The following PRKCA variants were observed in gnomAD, a reference collection of about 807,000 sequenced individuals.
The protein encoded by PRKCA is protein kinase C alpha.
PRKCA carries 27 observed loss-of-function variants against 87.0 expected under a neutral mutation model. The ratio of observed to expected loss-of-function variants is 0.31; its 90% CI spans 0.23 to 0.43. The LOEUF is 0.43. Among genes scored for constraint, PRKCA ranks in the 20% least tolerant of loss-of-function variants. The probability of loss-of-function intolerance (pLI) is 1.00; values close to 1 mark genes in which losing one functional copy is unlikely to be tolerated. For synonymous variants in PRKCA, 329 were observed against 311.1 expected (o/e 1.06, Z -0.61); for missense variants, 518 against 852.3 (o/e 0.61, Z 4.88).
chr17:66,459,263 C>G (rs1039555306), intron 2 of PRKCA, among the ~76,000 whole-genome samples: 4 of 151,784 alleles, frequency 2.6e-5, no homozygotes, highest in Non-Finnish European at 4.4e-5. Flanking sequence ...CACCTGTAGT[C>G]CCAGCTACTC....
chr17:66,543,929 A>G (rs988881600), intron 3 of PRKCA, among the ~76,000 whole-genome samples: 1 of 152,198 alleles, frequency 6.6e-6, no homozygotes, highest in African/African-American at 2.4e-5. Flanking sequence ...CAAGATTGCT[A>G]GGCTGGGTGC....
At chr17:66,526,524 T>G (rs1967353362) in intron 3 of PRKCA, among the ~76,000 whole-genome samples, 1 of 152,140 alleles carries the variant, frequency 6.6e-6, no homozygotes, top group African/African-American at 2.4e-5. Flanking sequence ...GCAGCTAGCT[T>G]GGGTGTGCTC....
At chr17:66,602,512 C>T (rs1970074743) in intron 3 of PRKCA, among the ~76,000 whole-genome samples, 1 of 152,010 alleles carries the variant, frequency 6.6e-6, no homozygotes, top group Admixed American at 6.6e-5. Context: ...GATGGAAATG[C>T]AGAAATCACC....
At chr17:66,327,154 A>C (rs1416842848) in intron 2 of PRKCA, among the ~76,000 whole-genome samples, 1 of 151,952 alleles carries the variant, frequency 6.6e-6, no homozygotes, top group African/African-American at 2.4e-5. Context: ...GCAGATCATG[A>C]GGTCAGGAGA....
At chr17:66,453,285 C>A (rs1366987419) in intron 2 of PRKCA, among the ~76,000 whole-genome samples, 1 of 152,006 alleles carries the variant, frequency 6.6e-6, no homozygotes, top group Non-Finnish European at 1.5e-5. Flanking sequence ...ATCCACAGTC[C>A]CCTTGCCTTG....
chr17:66,802,962 C>T (rs975073766), intron 16 of PRKCA, among the ~76,000 whole-genome samples: 13 of 152,196 alleles, frequency 8.5e-5, no homozygotes, highest in African/African-American at 3.1e-4. Flanking sequence ...GCTTCAGAGT[C>T]ACCCTGGGCT....
chr17:66,580,698 A>G (rs886123797), intron 3 of PRKCA, among the ~76,000 whole-genome samples: 6 of 152,240 alleles, frequency 3.9e-5, no homozygotes, highest in African/African-American at 1.4e-4. Flanking sequence ...GTTTTCGCCA[A>G]CTAAACACAC....
chr17:66,311,815 C>T (rs1248586004), intron 2 of PRKCA, among the ~76,000 whole-genome samples: 4 of 152,032 alleles, frequency 2.6e-5, no homozygotes, highest in African/African-American at 4.8e-5. Flanking sequence ...TTACTTTATA[C>T]GGTAAGTGAA....
At chr17:66,327,455 G>C (rs1354303929) in intron 2 of PRKCA, among the ~76,000 whole-genome samples, 2 of 151,874 alleles carry the variant, frequency 1.3e-5, no homozygotes, top group Non-Finnish European at 2.9e-5. Flanking sequence ...AGAATCACTG[G>C]AACCCGGGAG....
intron 2 of PRKCA, among the ~76,000 whole-genome samples, chr17:66,332,028 T>A (rs1406661470): frequency 6.9e-6 from 1 of 144,094 alleles, no homozygotes; most frequent in Admixed American, 7.1e-5. Flanking sequence ...TCCTTTTGAA[T>A]CCAATGGTAG....
intron 2 of PRKCA, among the ~76,000 whole-genome samples, chr17:66,340,556 G>A (rs1784082597): frequency 6.6e-6 from 1 of 152,052 alleles, no homozygotes; most frequent in African/African-American, 2.4e-5. Flanking sequence ...GCGTAAGTGT[G>A]ATCATGGCTG....
intron 13 of PRKCA, among the ~76,000 whole-genome samples, chr17:66,750,766 G>A (rs898768339): frequency 1.3e-5 from 2 of 152,136 alleles, no homozygotes; most frequent in African/African-American, 2.4e-5. Flanking sequence ...TTAATCCTAA[G>A]TCAATTCTAA....
chr17:66,488,123 G>C (rs1469491020), intron 2 of PRKCA, among the ~76,000 whole-genome samples: 1 of 152,088 alleles, frequency 6.6e-6, no homozygotes, highest in Non-Finnish European at 1.5e-5. Flanking sequence ...CCAAGTCCAA[G>C]TTAATTCTTA....
At chr17:66,437,732 GAGC>G (rs1567828443) in intron 2 of PRKCA, among the ~76,000 whole-genome samples, 17 of 1,744 alleles carry the variant, frequency 9.7e-3, no homozygotes, top group Non-Finnish European at 0.017. Flanking sequence ...TTTTTTTTTT[GAGC>G]GGGGGGTGGG....
intron 3 of PRKCA, 44 bp from the exon 4 acceptor site, chr17:66,641,311 T>C: frequency 6.9e-7 from 1 of 1,456,614 alleles, no homozygotes; most frequent in Non-Finnish European, 9.6e-7. Context: ...AAAAACGTGG[T>C]CCTTTCATGA....
chr17:66,570,385 C>T (rs996321298), intron 3 of PRKCA, among the ~76,000 whole-genome samples: 2 of 152,258 alleles, frequency 1.3e-5, no homozygotes, highest in South Asian at 4.1e-4. Context: ...CCTATTAAAA[C>T]GTGTTTGTTT....
At chr17:66,752,366 G>A (rs1974453559) in intron 13 of PRKCA, among the ~76,000 whole-genome samples, 1 of 152,182 alleles carries the variant, frequency 6.6e-6, no homozygotes, top group Non-Finnish European at 1.5e-5. Context: ...AGGCCGGGGT[G>A]GGAGGATCAC....
At chr17:66,430,546 A>G (rs1410416441) in intron 2 of PRKCA, among the ~76,000 whole-genome samples, 1 of 151,956 alleles carries the variant, frequency 6.6e-6, no homozygotes, top group African/African-American at 2.4e-5. Context: ...GTTGAAGCCT[A>G]AATCTGGGGC....
At chr17:66,369,475 C>T (rs72846677) in intron 2 of PRKCA, among the ~76,000 whole-genome samples, 6,772 of 152,264 alleles carry the variant, frequency 0.044, 220 homozygotes, top group Admixed American at 0.077. Context: ...TTAAAATTCC[C>T]TGAGGCTGAC....
Sources: gnomAD v4.1 joint callset for allele counts (sites outside exome capture counted in the v4.1 genomes callset) on GRCh38, gnomAD v4.1.1 for gene constraint, MANE v1.5 for transcripts, NCBI Gene and HGNC (gene_info 2026-07-23, HGNC 2026-07-21) for gene names.